Variants in SORCS3 observed in about 807,000 individuals in gnomAD.
The protein encoded by SORCS3 is VPS10 domain-containing receptor SorCS3.
SORCS3 carries 57 observed loss-of-function variants against 146.3 expected under a neutral mutation model. The ratio of observed to expected loss-of-function variants is 0.39; its 90% CI spans 0.31 to 0.49. The LOEUF (loss-of-function observed/expected upper bound fraction) is 0.49, where lower values mean the gene tolerates loss of function less well. Ranked by LOEUF, SORCS3 falls within the 20% of genes least tolerant of loss-of-function variation. The probability of loss-of-function intolerance (pLI) is 0.92; values close to 1 mark genes in which losing one functional copy is unlikely to be tolerated. For missense variants in SORCS3, 1,341 were observed against 1,575.5 expected (o/e 0.85, Z 2.52); for synonymous variants, 653 against 618.5 (o/e 1.06, Z -0.83).
At chr10:105,124,068 C>T (rs1217297977) in intron 7 of SORCS3, among the ~76,000 whole-genome samples, 1 of 152,140 alleles carries the variant, frequency 6.6e-6, no homozygotes, top group East Asian at 1.9e-4. Context: ...TCTTCCTTCC[C>T]CCTTTCTAAA....
intron 1 of SORCS3, among the ~76,000 whole-genome samples, chr10:104,755,146 C>A (rs1352920952): frequency 6.6e-6 from 1 of 152,144 alleles, no homozygotes; most frequent in Non-Finnish European, 1.5e-5. Flanking sequence ...AGGAGGCAGG[C>A]AGAGGATAGA....
At chr10:104,691,277 T>C (rs929769598) in intron 1 of SORCS3, among the ~76,000 whole-genome samples, 5 of 152,054 alleles carry the variant, frequency 3.3e-5, no homozygotes, top group African/African-American at 1.2e-4. Context: ...CACCCTATGA[T>C]GGGGGTGAGG....
At chr10:104,708,010 G>A (rs2016358713) in intron 1 of SORCS3, among the ~76,000 whole-genome samples, 1 of 152,156 alleles carries the variant, frequency 6.6e-6, no homozygotes, top group Non-Finnish European at 1.5e-5. Context: ...ATCTCTCAAG[G>A]TATAAATAGA....
intron 5 of SORCS3, among the ~76,000 whole-genome samples, chr10:105,058,689 C>G (rs901992951): frequency 2.6e-5 from 4 of 152,106 alleles, no homozygotes; most frequent in African/African-American, 2.4e-5. Context: ...GGCAGCCAGG[C>G]CTTGGGGCAC....
rs1316210550 is a variant in SORCS3 at position 105,223,833 on chromosome 10, G to A, written c.2868+584G>A. Among the ~76,000 whole-genome samples, 4 of 152,202 alleles carry A rather than the reference G, an allele frequency of 2.6e-5. No homozygotes were observed. In the East Asian group the frequency reaches 7.7e-4, roughly 29 times the overall value. On this transcript the variant is annotated intron_variant, in intron 20 of 26. Transcript: ENST00000369701. The stretch of plus-strand genomic sequence containing the variant: ...ATGGTGATGGCAACACCTGTGTCAA[G>A]CATGACCACAATTGTATGATAGAAG...
At chr10:105,194,663 C>G (rs1003369013) in intron 14 of SORCS3, among the ~76,000 whole-genome samples, 1 of 152,030 alleles carries the variant, frequency 6.6e-6, no homozygotes, top group African/African-American at 2.4e-5. Flanking sequence ...CTTTTTCAAG[C>G]AACTATTGTT....
chr10:104,915,126 C>T (rs1240148635), intron 2 of SORCS3, among the ~76,000 whole-genome samples: 1 of 152,118 alleles, frequency 6.6e-6, no homozygotes, highest in Non-Finnish European at 1.5e-5. Flanking sequence ...GGAGCCTCTA[C>T]TTCTGGTTTT....
intron 2 of SORCS3, among the ~76,000 whole-genome samples, chr10:104,882,838 A>G (rs1439755821): frequency 6.6e-6 from 1 of 152,246 alleles, no homozygotes; most frequent in Non-Finnish European, 1.5e-5. Context: ...CATTTGTACT[A>G]GAAAAAGGAA....
At chr10:104,915,775 A>T (rs2019020380) in intron 2 of SORCS3, 58 bp from the exon 3 acceptor site, 2 of 1,453,426 alleles carry the variant, frequency 1.4e-6, no homozygotes, top group Middle Eastern at 1.7e-4. Context: ...TTCCCTTTAG[A>T]CATAGCTGCC....
At chr10:104,983,012 T>C (rs537307124) in intron 4 of SORCS3, among the ~76,000 whole-genome samples, 1 of 151,736 alleles carries the variant, frequency 6.6e-6, no homozygotes, top group Middle Eastern at 3.5e-3. Context: ...TCTTTTTTAA[T>C]TTTTTGAAAT....
At chr10:104,720,232 T>A (rs1486840122) in intron 1 of SORCS3, among the ~76,000 whole-genome samples, 1 of 151,936 alleles carries the variant, frequency 6.6e-6, no homozygotes, top group Non-Finnish European at 1.5e-5. Context: ...CGGTGTTTGG[T>A]TTTTTGTCCT....
intron 1 of SORCS3, among the ~76,000 whole-genome samples, chr10:104,729,470 T>G (rs1035562609): frequency 6.6e-6 from 1 of 152,188 alleles, no homozygotes; most frequent in Non-Finnish European, 1.5e-5. Context: ...GAAAGAAATA[T>G]GTAGGTGACA....
rs1006184982 is a variant in SORCS3, at chr10:104,831,387, C to T, written c.628-11405C>T. Among the ~76,000 whole-genome samples, 8 of 152,098 alleles carry T rather than the reference C, an allele frequency of 5.3e-5. No individual in the cohort carries two copies. The South Asian group carries it at 8.3e-4, about 16-fold the overall frequency. On this transcript the variant is annotated intron_variant, in intron 1 of 26. Transcript: ENST00000369701. ...GGGCACCATCTATTTATCTGTTTTG[C>T]CCTGCTGAACCTGTGGCTGGAATTA... is the stretch of plus-strand genomic sequence containing the variant.
At chr10:105,107,010 G>A (rs1185427493) in intron 7 of SORCS3, among the ~76,000 whole-genome samples, 2 of 152,084 alleles carry the variant, frequency 1.3e-5, no homozygotes, top group Non-Finnish European at 2.9e-5. Context: ...AAGGTTTGAT[G>A]ACTTTCAAGT....
chr10:104,945,236 CTGTTT>C (rs10528591), intron 3 of SORCS3, among the ~76,000 whole-genome samples: 165 of 151,450 alleles, frequency 1.1e-3, no homozygotes, highest in African/African-American at 1.5e-3. Context: ...TGCTAATTTT[CTGTTT>C]TGTTTTGTTT....
At chr10:104,859,213 G>A (rs573366331) in intron 2 of SORCS3, among the ~76,000 whole-genome samples, 2 of 152,092 alleles carry the variant, frequency 1.3e-5, no homozygotes, top group Admixed American at 1.3e-4. Flanking sequence ...TCCTGCTGCC[G>A]GAAAATGTCC....
intron 3 of SORCS3, among the ~76,000 whole-genome samples, chr10:104,965,598 A>G (rs369615614): frequency 4.9e-4 from 75 of 151,964 alleles, no homozygotes; most frequent in Middle Eastern, 3.4e-3. Context: ...CTGATTTTTT[A>G]TTTTTTATTT....
At chr10:104,695,410 G>A (rs2133425111) in intron 1 of SORCS3, among the ~76,000 whole-genome samples, 1 of 151,718 alleles carries the variant, frequency 6.6e-6, no homozygotes, top group Non-Finnish European at 1.5e-5. Flanking sequence ...CTCTGTGGAG[G>A]GAAGAGGATC....
At chr10:104,976,609 C>CACATATGTTT (rs1385785856) in intron 3 of SORCS3, among the ~76,000 whole-genome samples, 2 of 152,128 alleles carry the variant, frequency 1.3e-5, no homozygotes, top group Non-Finnish European at 2.9e-5. Context: ...GACACATGCA[C>CACATATGTTT]ACATATGTTT....
Sources: gnomAD v4.1 joint callset for allele counts (sites outside exome capture counted in the v4.1 genomes callset) on GRCh38, gnomAD v4.1.1 for gene constraint, MANE v1.5 for transcripts, NCBI Gene and HGNC (gene_info 2026-07-23, HGNC 2026-07-21) for gene names.